The following PCDHA13 variants were observed in gnomAD, a reference collection of about 807,000 sequenced individuals.
PCDHA13 encodes the protein protocadherin alpha 13.
PCDHA13 carries 54 observed loss-of-function variants against 64.8 expected under a neutral mutation model. The ratio of observed to expected loss-of-function variants is 0.83; its 90% CI spans 0.67 to 1.04. The LOEUF is 1.04. Among genes scored for constraint, PCDHA13 ranks in the 50% least tolerant of loss-of-function variants. The probability of loss-of-function intolerance (pLI) is 0.00; values close to 1 mark genes in which losing one functional copy is unlikely to be tolerated. For synonymous variants in PCDHA13, 587 were observed against 564.4 expected (o/e 1.04, Z -0.57); for missense variants, 1,248 against 1,254.3 (o/e 0.99, Z 0.08).
intron 3 of PCDHA13, among the ~76,000 whole-genome samples, chr5:140,995,578 T>C (rs1554254730): frequency 1.3e-5 from 2 of 152,256 alleles, no homozygotes; most frequent in African/African-American, 4.8e-5. Flanking sequence ...AGATGAGCTA[T>C]GAGCTTTTAA....
chr5:141,004,014 A>T (rs1294633411), intron 3 of PCDHA13, among the ~76,000 whole-genome samples: 40 of 152,222 alleles, frequency 2.6e-4, no homozygotes, highest in African/African-American at 9.4e-4. Context: ...GGCAGCACTG[A>T]AAGAAGAAAC....
chr5:140,954,845 C>T (rs1479368081), intron 1 of PCDHA13, among the ~76,000 whole-genome samples: 2 of 152,140 alleles, frequency 1.3e-5, no homozygotes, highest in African/African-American at 4.8e-5. Context: ...AAATCTTTGC[C>T]TGTGCCTATG....
At chr5:140,973,354 T>A (rs937415600) in intron 1 of PCDHA13, among the ~76,000 whole-genome samples, 4 of 152,202 alleles carry the variant, frequency 2.6e-5, no homozygotes, top group Non-Finnish European at 5.9e-5. Flanking sequence ...AGTAGTGAAT[T>A]TATAAAAATT....
At chr5:140,994,387 C>G (rs192635308) in intron 3 of PCDHA13, among the ~76,000 whole-genome samples, 1 of 152,174 alleles carries the variant, frequency 6.6e-6, no homozygotes, top group South Asian at 2.1e-4. Context: ...GGGACTAAGT[C>G]AGAGATTATT....
chr5:140,922,434 C>T (rs1167616099), intron 1 of PCDHA13, among the ~76,000 whole-genome samples: 1 of 152,180 alleles, frequency 6.6e-6, no homozygotes, highest in Admixed American at 6.5e-5. Flanking sequence ...GAGGGCAGAA[C>T]TCTCTCATTA....
intron 1 of PCDHA13, among the ~76,000 whole-genome samples, chr5:140,952,338 CAAAAA>C (rs55931446): frequency 7.4e-5 from 10 of 135,008 alleles, no homozygotes; most frequent in Admixed American, 1.5e-4. Context: ...AACTCCATCT[CAAAAA>C]AAAAAAAAAA....
At chr5:140,968,460 C>G (rs1554230749) in intron 1 of PCDHA13, 1 of 1,614,096 alleles carries the variant, frequency 6.2e-7, no homozygotes, top group Non-Finnish European at 8.5e-7. Flanking sequence ...ACTGTGACTG[C>G]CAACGTATAT....
At chr5:140,888,173 T>A (rs1231331780) in intron 1 of PCDHA13, among the ~76,000 whole-genome samples, 1 of 152,224 alleles carries the variant, frequency 6.6e-6, no homozygotes, top group African/African-American at 2.4e-5. Context: ...AATAAGATGC[T>A]AGACATTGTG....
chr5:140,962,171 G>T (rs1218733161), intron 1 of PCDHA13, among the ~76,000 whole-genome samples: 1 of 151,902 alleles, frequency 6.6e-6, no homozygotes, highest in Admixed American at 6.6e-5. Flanking sequence ...CACCACACCC[G>T]GCCACTTATA....
In PCDHA13 at chr5:140,900,825, C is replaced by T. The variant is rs568337253; in HGVS notation, c.2394+16163C>T. On this transcript the variant is annotated intron_variant, in intron 1 of 3. Coordinates refer to ENST00000289272, the MANE Select transcript of PCDHA13 (RefSeq NM_018904.3). Reference sequence around the variant, plus strand: ...TGCTTGTACTAATTTACATTCCCACCAACAATGTACAAAGTTTCCCTTTTT... The same window carrying T: ...TGCTTGTACTAATTTACATTCCCACTAACAATGTACAAAGTTTCCCTTTTT... Among the ~76,000 whole-genome samples, 8 of 152,276 alleles carry T rather than the reference C, an allele frequency of 5.3e-5. No homozygotes were observed. The South Asian group carries it at 1.7e-3, about 32-fold the overall frequency.
At chr5:140,912,178 G>A (rs2153520957) in intron 1 of PCDHA13, among the ~76,000 whole-genome samples, 1 of 152,266 alleles carries the variant, frequency 6.6e-6, no homozygotes, top group South Asian at 2.1e-4. Flanking sequence ...GCTGGCAGCT[G>A]ATTAGATTGT....
intron 3 of PCDHA13, among the ~76,000 whole-genome samples, chr5:140,989,839 A>G (rs2097362613): frequency 6.6e-6 from 1 of 152,166 alleles, no homozygotes; most frequent in Admixed American, 6.5e-5. Context: ...CCTGTCAATG[A>G]GTGTGTGGAC....
chr5:140,884,872 T>C (rs1427684688), intron 1 of PCDHA13, among the ~76,000 whole-genome samples: 1 of 152,216 alleles, frequency 6.6e-6, no homozygotes, highest in African/African-American at 2.4e-5. Context: ...CATAATGAAA[T>C]GTGCAAAACA....
At chr5:140,946,925 C>T (rs1431365562) in intron 1 of PCDHA13, among the ~76,000 whole-genome samples, 1 of 151,242 alleles carries the variant, frequency 6.6e-6, no homozygotes, top group South Asian at 2.1e-4. Context: ...TTTTATTGAA[C>T]AGTAGAGTGT....
At chr5:140,914,542 T>C (rs1323797101) in intron 1 of PCDHA13, among the ~76,000 whole-genome samples, 2 of 152,202 alleles carry the variant, frequency 1.3e-5, no homozygotes, top group Non-Finnish European at 2.9e-5. Context: ...ACTTTATTTC[T>C]TTTTATTGGA....
chr5:140,887,101 CT>C (rs200717289), intron 1 of PCDHA13, among the ~76,000 whole-genome samples: 3,245 of 145,086 alleles, frequency 0.022, 87 homozygotes, highest in African/African-American at 0.074. Flanking sequence ...ATCTTTATCT[CT>C]TTTTTTTTTT....
At chr5:140,972,453 G>A (rs2096536665) in intron 1 of PCDHA13, among the ~76,000 whole-genome samples, 3 of 151,360 alleles carry the variant, frequency 2.0e-5, no homozygotes, top group South Asian at 2.1e-4. Context: ...TTTTTCTCTT[G>A]TTGCTTATTA....
intron 3 of PCDHA13, among the ~76,000 whole-genome samples, chr5:141,007,302 G>A (rs1211833053): frequency 6.7e-6 from 1 of 150,298 alleles, no homozygotes; most frequent in Non-Finnish European, 1.5e-5. Context: ...TGTAATCTTA[G>A]CATTTTGGGA....
intron 1 of PCDHA13, chr5:140,929,118 A>G: frequency 2.5e-6 from 4 of 1,614,150 alleles, no homozygotes; most frequent in Non-Finnish European, 3.4e-6. Flanking sequence ...CAGCCACCAT[A>G]GATGTCACTA....
Sources: allele counts gnomAD v4.1 joint callset (sites outside exome capture counted in the v4.1 genomes callset), GRCh38; gene constraint gnomAD v4.1.1; transcripts MANE v1.5; gene names NCBI Gene and HGNC (gene_info 2026-07-23, HGNC 2026-07-21).